RBFA: variants seen among roughly 807,000 people sequenced by gnomAD.
The protein encoded by RBFA is putative ribosome-binding factor A, mitochondrial.
RBFA carries 16 observed loss-of-function variants against 27.9 expected under a neutral mutation model. The ratio of observed to expected loss-of-function variants is 0.57; its 90% CI spans 0.39 to 0.87. RBFA has a LOEUF of 0.87. Among genes scored for constraint, RBFA ranks in the 40% least tolerant of loss-of-function variants. The pLI, the probability that RBFA is intolerant of heterozygous loss-of-function variation, is 0.00. For missense variants in RBFA, 456 were observed against 432.1 expected (o/e 1.06, Z -0.49); for synonymous variants, 181 against 181.0 (o/e 1.00, Z 0.00).
Position 80,049,037 on chromosome 18 carries a change from G to C in RBFA, c.*2882G>C, listed in dbSNP as rs1472538517. On this transcript the variant is annotated 3_prime_UTR_variant, in exon 7 of 7. Coordinates refer to ENST00000306735, the MANE Select transcript of RBFA (RefSeq NM_024805.3). ...GTGCCTCCTAGAAAGAGGAGTGTGG[G>C]CACGTTTCAGAGAAAACTGGCTTAG... is the stretch of plus-strand genomic sequence containing the variant. 2.6e-5 allele frequency among the ~76,000 whole-genome samples: 4 copies of C among 152,266 alleles called. No homozygotes were observed. Among genetic ancestry groups the C allele is most frequent in the African/African-American group, 9.6e-5 (4 of 41,482 alleles).
chr18:80,040,050 C>T (rs953239175), intron 4 of RBFA, among the ~76,000 whole-genome samples: 1 of 152,060 alleles, frequency 6.6e-6, no homozygotes, highest in Non-Finnish European at 1.5e-5. Context: ...GCTGGGGTTA[C>T]AGACGCCCGC....
At chr18:80,037,821 G>T (rs904747163) in intron 3 of RBFA, among the ~76,000 whole-genome samples, 1 of 152,174 alleles carries the variant, frequency 6.6e-6, no homozygotes, top group Admixed American at 6.5e-5. Context: ...CCCAGGAGGC[G>T]GAGGTTGCAG....
chr18:80,034,665 G>C lies in RBFA; in HGVS notation c.158+12G>C. The C allele has an allele frequency of 3.1e-6, 5 of 1,607,336 alleles. 1 individual carries two copies. In the South Asian group the frequency reaches 5.5e-5, roughly 18 times the overall value. ...GCCTCGAAAACCAAGTAATGCGGCG[G>C]GGGCGGTGTCCCTGGGCGCGGTATT... On this transcript the variant is annotated intron_variant, in intron 1 of 6. Coordinates refer to ENST00000306735, the MANE Select transcript of RBFA (RefSeq NM_024805.3).
chr18:80,045,681 T>A lies in RBFA; in HGVS notation c.651-93T>A, dbSNP rs1294031406. On this transcript the variant is annotated intron_variant, in intron 6 of 6. Transcript: ENST00000306735. ...GGGAGGGTTCTCAGGCGAGTAGATG[T>A]AGGAAGTGTGATGTGCTGTTGTGTT... 2 of 1,385,254 alleles carry A rather than the reference T, an allele frequency of 1.4e-6. 1 individual carries two copies. Among genetic ancestry groups the A allele is most frequent in the African/African-American group, 2.9e-5 (2 of 69,106 alleles). 85.8% of individuals were successfully genotyped at this position (1,385,254 alleles called of 1,614,324 possible). A position where few individuals can be genotyped will look rare whatever the true frequency, so the allele number is the denominator to read the frequency against.
In RBFA at chr18:80,046,081, A is replaced by G. The variant is rs747811672; in HGVS notation, c.958A>G (p.Thr320Ala). The G allele has an allele frequency of 6.2e-7, 1 of 1,614,048 alleles. No individual in the cohort carries two copies. The highest frequency in any genetic ancestry group is 8.5e-7 in the Non-Finnish European group (1 of 1,180,032). Residue 320 changes from threonine (T) to alanine (A), a missense_variant, in exon 7 of 7, where the codon ACA becomes GCA. Coordinates refer to ENST00000306735, the MANE Select transcript of RBFA (RefSeq NM_024805.3). ...GGAGTACGAATGCTATGCCCCGGAC[A>G]CAGAGGAGTTGGAGGCAGAGAGAGG... The part of the protein sequence containing the change: ...APEYECYAPD[T>A]EELEAERGGG...
At chr18:80,042,095 C>A in intron 4 of RBFA, 40 bp from the exon 5 acceptor site, 1 of 1,465,902 alleles carries the variant, frequency 6.8e-7, no homozygotes, top group South Asian at 1.2e-5. Flanking sequence ...CACTGAGTGT[C>A]ACGGCACAGC....
intron 6 of RBFA, 118 bp downstream of exon 6, chr18:80,044,403 C>T (rs2052036751): frequency 3.3e-6 from 3 of 904,724 alleles, no homozygotes; most frequent in African/African-American, 3.3e-5. Flanking sequence ...ATCCCCATGG[C>T]ACTTGCCTCC....
In RBFA at chr18:80,034,434, AGTTGTCGCTCCGCGCCTGCGCCC is replaced by A; in HGVS notation, c.-55_-33del. 7.2e-7 allele frequency: 1 copy of A among 1,386,124 alleles called. No individual in the cohort carries two copies. The highest frequency in any genetic ancestry group is 1.7e-5 in the South Asian group (1 of 59,962). 85.9% of individuals were successfully genotyped at this position (1,386,124 alleles called of 1,614,324 possible). On this transcript the variant is annotated 5_prime_UTR_variant, in exon 1 of 7. Transcript: ENST00000306735. ...GCCCACACGCCGCCACCCTCGCGTCAGTTGTCGCTCCGCGCCTGCGCCCGTTGTCTCCCTGCTCGCTCCGGGTC... is the reference window on the plus strand; with the variant it reads ...GCCCACACGCCGCCACCCTCGCGTCAGTTGTCTCCCTGCTCGCTCCGGGTC...
intron 4 of RBFA, chr18:80,041,426 A>G (rs535422006): frequency 2.0e-5 from 3 of 152,298 alleles, no homozygotes; most frequent in Non-Finnish European, 2.9e-5. Context: ...GCATGATACA[A>G]ATATCACTTC....
chr18:80,040,286 G>A (rs2052008380), intron 4 of RBFA, among the ~76,000 whole-genome samples: 2 of 105,560 alleles, frequency 1.9e-5, no homozygotes, highest in South Asian at 6.8e-4. Flanking sequence ...ATCTCATTCT[G>A]TCTCCCAGGC....
chr18:80,050,168 G>T lies in RBFA; in HGVS notation c.*4013G>T, dbSNP rs187592141. On this transcript the variant is annotated 3_prime_UTR_variant, in exon 7 of 7. Coordinates refer to ENST00000306735, the MANE Select transcript of RBFA (RefSeq NM_024805.3). ...AGGGCTTGAGTGTATTTTGGGGGAA[G>T]AATGAGGGGACAACAGGGCAGGGAG... 4.0e-4 allele frequency among the ~76,000 whole-genome samples: 61 copies of T among 152,264 alleles called. No homozygotes were observed. The highest frequency in any genetic ancestry group is 1.4e-3 in the African/African-American group (58 of 41,548).
chr18:80,045,733 C>T (rs911236861), intron 6 of RBFA, 41 bp from the exon 7 acceptor site: 29 of 1,497,650 alleles, frequency 1.9e-5, no homozygotes, highest in Non-Finnish European at 2.3e-5. Context: ...GGACTAGGGG[C>T]ATGGTTTGTG....
At chr18:80,043,086 A>G (rs1365622847) in intron 5 of RBFA, among the ~76,000 whole-genome samples, 1 of 152,114 alleles carries the variant, frequency 6.6e-6, no homozygotes, top group East Asian at 1.9e-4. Context: ...TGCTTTTATT[A>G]TCATTTTCCT....
chr18:80,039,250 G>A (rs1443286494), intron 4 of RBFA, among the ~76,000 whole-genome samples: 1 of 152,188 alleles, frequency 6.6e-6, no homozygotes, highest in Non-Finnish European at 1.5e-5. Flanking sequence ...ATTCCTATCA[G>A]CCCAGGAATT....
rs760881133 is a variant in RBFA, at chr18:80,034,509, C to G, written c.14C>G (p.Ala5Gly). The G allele has an allele frequency of 3.8e-6, 6 of 1,568,956 alleles. No individual in the cohort carries two copies. The Admixed American group carries it at 1.2e-4, about 31-fold the overall frequency. ...CGGCGCCGCGCCATGTGGGCTGCGG[C>G]GGGCGGGCTGTGGCGCTCCCGCGCG... MWAA[A>G]GGLWRSRAGL... Residue 5 changes from alanine (A) to glycine (G), a missense_variant, in exon 1 of 7, where the codon GCG (alanine) becomes GGG (glycine). By Grantham distance (60) the Ala-to-Gly change is moderately conservative. Transcript: ENST00000306735.
intron 6 of RBFA, among the ~76,000 whole-genome samples, 189 bp downstream of exon 6, chr18:80,044,474 G>A (rs1229234155): frequency 6.6e-6 from 1 of 152,220 alleles, no homozygotes; most frequent in Non-Finnish European, 1.5e-5. Context: ...ACACAGTGAG[G>A]GCCTCAGGGG....
In RBFA at chr18:80,050,069, T is replaced by C. The variant is rs371005612; in HGVS notation, c.*3914T>C. ...ACAGTTTTCTTCCCCACTCCTTTTG[T>C]CCAGAAGGAAAACCTGGTTTTACAT... is the stretch of plus-strand genomic sequence containing the variant. On this transcript the variant is annotated 3_prime_UTR_variant, in exon 7 of 7. Transcript: ENST00000306735. Among the ~76,000 whole-genome samples, 2 of 152,370 alleles carry C rather than the reference T, an allele frequency of 1.3e-5. No individual in the cohort carries two copies. Among genetic ancestry groups the C allele is most frequent in the East Asian group, 3.9e-4 (2 of 5,188 alleles).
In RBFA at chr18:80,046,197, T is replaced by C. The variant is rs1240088352; in HGVS notation, c.*42T>C. 1.9e-6 allele frequency: 3 copies of C among 1,591,778 alleles called. No individual in the cohort carries two copies. The highest frequency in any genetic ancestry group is 1.1e-5 in the South Asian group (1 of 87,890). On this transcript the variant is annotated 3_prime_UTR_variant, in exon 7 of 7. Coordinates refer to ENST00000306735, the MANE Select transcript of RBFA (RefSeq NM_024805.3). Reference sequence around the variant, plus strand: ...CATCCCACATTTGCAGGGAAAAGCATTGGCACGCAACGCAGCATGTGGCTT... The same window carrying C: ...CATCCCACATTTGCAGGGAAAAGCACTGGCACGCAACGCAGCATGTGGCTT...
intron 6 of RBFA, 27 bp downstream of exon 6, chr18:80,044,312 T>C (rs1351096469): frequency 6.3e-7 from 1 of 1,584,158 alleles, no homozygotes; most frequent in Non-Finnish European, 8.7e-7. Context: ...TATGTTTTGA[T>C]TCCCTGGGGT....
Sources: gnomAD v4.1 joint callset for allele counts (sites outside exome capture counted in the v4.1 genomes callset) on GRCh38, gnomAD v4.1.1 for gene constraint, MANE v1.5 for transcripts, NCBI Gene and HGNC (gene_info 2026-07-23, HGNC 2026-07-21) for gene names.